Variants in TBC1D13 observed in about 807,000 individuals in gnomAD.
The protein encoded by TBC1D13 is epididymis secretory sperm binding protein.
A neutral mutation model predicts 53.6 loss-of-function variants in TBC1D13; 40 were observed. The observed-to-expected ratio is 0.75, with a 90% CI of 0.58 to 0.97. The LOEUF (loss-of-function observed/expected upper bound fraction) is 0.97, where lower values mean the gene tolerates loss of function less well. Among genes scored for constraint, TBC1D13 ranks in the 50% least tolerant of loss-of-function variants. The pLI is 0.00. For synonymous variants in TBC1D13, 182 were observed against 197.7 expected (o/e 0.92, Z 0.67); for missense variants, 377 against 499.4 (o/e 0.75, Z 2.34).
intron 9 of TBC1D13, 93 bp downstream of exon 9, chr9:128,804,212 G>A (rs1564426715): frequency 2.1e-6 from 3 of 1,439,660 alleles, no homozygotes; most frequent in Non-Finnish European, 2.8e-6. Flanking sequence ...CTTGAGTCTG[G>A]GGGTCAGAAG....
At chr9:128,790,523 G>A (rs1404163844) in intron 2 of TBC1D13, among the ~76,000 whole-genome samples, 3 of 152,202 alleles carry the variant, frequency 2.0e-5, no homozygotes, top group Admixed American at 6.5e-5. Flanking sequence ...GCAGTGAGCC[G>A]AGATTGCGCC....
chr9:128,787,483 C>T (rs1829442135), intron 1 of TBC1D13, 107 bp downstream of exon 1: 4 of 1,147,048 alleles, frequency 3.5e-6, no homozygotes, highest in South Asian at 8.9e-5. Flanking sequence ...GGCAGACCCC[C>T]TCGGCAGAGG....
At chr9:128,788,542 C>CTCT in intron 2 of TBC1D13, 135 bp downstream of exon 2, 1 of 712,066 alleles carries the variant, frequency 1.4e-6, no homozygotes, top group Non-Finnish European at 2.4e-6. Flanking sequence ...TACACACAGA[C>CTCT]TCTTGGGGCC....
intron 6 of TBC1D13, 97 bp downstream of exon 6, chr9:128,792,671 GTGTT>G: frequency 4.5e-6 from 5 of 1,117,062 alleles, no homozygotes; most frequent in Non-Finnish European, 6.6e-6. Flanking sequence ...CTATGGGTGA[GTGTT>G]TGCGGAGCTG....
At chr9:128,788,292 G>A (rs377252097) in intron 1 of TBC1D13, 42 bp from the exon 2 acceptor site, 11 of 1,585,500 alleles carry the variant, frequency 6.9e-6, no homozygotes, top group South Asian at 2.2e-5. Context: ...TCACTGAGCC[G>A]ATATCAGCAT....
intron 1 of TBC1D13, 139 bp downstream of exon 1, chr9:128,787,515 A>C: frequency 3.4e-6 from 3 of 890,674 alleles, no homozygotes; most frequent in Non-Finnish European, 4.5e-6. Context: ...CCACCTTCTA[A>C]CCTCATTGCC....
chr9:128,795,041 G>T (rs1829602724), intron 6 of TBC1D13, among the ~76,000 whole-genome samples: 1 of 150,712 alleles, frequency 6.6e-6, no homozygotes, highest in African/African-American at 2.4e-5. Context: ...CCCTGTGTTT[G>T]TGCATGTTAG....
chr9:128,808,782 C>T lies in TBC1D13; in HGVS notation c.*903C>T, dbSNP rs186456136. ...AGGTCCTCCCAACTGGGAGGGAGTC[C>T]TCCGTGCCTCACTTAGAGGGTTCTG... On this transcript the variant is annotated 3_prime_UTR_variant, in exon 12 of 12. Coordinates refer to ENST00000372648, the MANE Select transcript of TBC1D13 (RefSeq NM_018201.5). 3 of 152,242 alleles carry T rather than the reference C, an allele frequency of 2.0e-5. No homozygotes were observed. The highest frequency in any genetic ancestry group is 7.2e-5 in the African/African-American group (3 of 41,482). The allele number at this position is 152,242 out of a possible 1,614,324, so 9.4% of individuals were successfully genotyped here. A position where few individuals can be genotyped will look rare whatever the true frequency, so the allele number is the denominator to read the frequency against.
In TBC1D13 at chr9:128,797,170, C is replaced by G. The variant is rs771153153; in HGVS notation, c.499C>G (p.Leu167Val). 6.2e-7 allele frequency: 1 copy of G among 1,614,124 alleles called. No homozygotes were observed. The highest frequency in any genetic ancestry group is 1.1e-5 in the South Asian group (1 of 91,082). ...TCGTAAGAGAGTGGAACAGACAACA[C>G]TGAAATCTCAGACGGTGGCCCGGAA... The part of the protein sequence containing the change: ...TLRKRVEQTT[L>V]KSQTVARNRS... The change falls in exon 7 of 12, where the codon CTG becomes GTG. Residue 167 changes from leucine (L) to valine (V), a missense_variant. Physicochemically the swap from Leu to Val is conservative, Grantham distance 32 (BLOSUM62 1). Transcript: ENST00000372648.
intron 3 of TBC1D13, 104 bp downstream of exon 3, chr9:128,790,879 C>G: frequency 8.1e-7 from 1 of 1,235,242 alleles, no homozygotes; most frequent in Non-Finnish European, 1.1e-6. Flanking sequence ...TGCACCTTTC[C>G]TTGCTTGTCT....
intron 11 of TBC1D13, among the ~76,000 whole-genome samples, chr9:128,806,986 C>T (rs988089981): frequency 3.9e-5 from 6 of 151,970 alleles, no homozygotes; most frequent in African/African-American, 1.4e-4. Flanking sequence ...GCTTTAGGTC[C>T]ACAGTTTTGC....
intron 6 of TBC1D13, among the ~76,000 whole-genome samples, chr9:128,792,800 G>C (rs1024532579): frequency 6.6e-6 from 1 of 152,198 alleles, no homozygotes; most frequent in Non-Finnish European, 1.5e-5. Context: ...CTGAGCTGTA[G>C]TTTCATTTGT....
chr9:128,803,243 C>T lies in TBC1D13; in HGVS notation c.544-7C>T. On this transcript the variant is annotated splice_region_variant and splice_polypyrimidine_tract_variant and intron_variant, in intron 7 of 11. Coordinates refer to ENST00000372648, the MANE Select transcript of TBC1D13 (RefSeq NM_018201.5). Reference sequence around the variant, plus strand: ...TTTCTTGATGGGCTCCTCCTCTTCTCCTCCAGATGAGCTCCCCACACAAGA... The same window carrying T: ...TTTCTTGATGGGCTCCTCCTCTTCTTCTCCAGATGAGCTCCCCACACAAGA... 2 of 1,613,506 alleles carry T rather than the reference C, an allele frequency of 1.2e-6. No homozygotes were observed. Among genetic ancestry groups the T allele is most frequent in the East Asian group, 2.2e-5 (1 of 44,876 alleles).
At position 128,807,944 on chromosome 9, in the gene TBC1D13, C is replaced by A; in HGVS notation, c.*65C>A. On this transcript the variant is annotated 3_prime_UTR_variant, in exon 12 of 12. Transcript: ENST00000372648. ...CGACCCTGTGCCCTGGCTCCCGGGA[C>A]ACATAGAAACCTGTAGGAACCCAGC... The A allele has an allele frequency of 6.6e-7, 1 of 1,524,488 alleles. No individual in the cohort carries two copies. Among genetic ancestry groups the A allele is most frequent in the Non-Finnish European group, 9.1e-7 (1 of 1,101,468 alleles). 94.4% of individuals were successfully genotyped at this position (1,524,488 alleles called of 1,614,324 possible).
rs991363748 is a variant in TBC1D13, at chr9:128,807,965, C to T, written c.*86C>T. ...GGGACACATAGAAACCTGTAGGAAC[C>T]CAGCCTGAGGGGAAGCCACAGGATC... On this transcript the variant is annotated 3_prime_UTR_variant, in exon 12 of 12. Coordinates refer to ENST00000372648, the MANE Select transcript of TBC1D13 (RefSeq NM_018201.5). The T allele has an allele frequency of 2.2e-5, 29 of 1,342,808 alleles. No individual in the cohort carries two copies. The highest frequency in any genetic ancestry group is 2.6e-5 in the Non-Finnish European group (25 of 944,160). The allele number at this position is 1,342,808 out of a possible 1,614,324, so 83.2% of individuals were successfully genotyped here.
intron 3 of TBC1D13, 130 bp from the exon 4 acceptor site, chr9:128,791,250 C>A: frequency 1.1e-6 from 1 of 886,652 alleles, no homozygotes; most frequent in Non-Finnish European, 1.8e-6. Context: ...TGCTGGCATT[C>A]CTGGATTTTA....
At position 128,787,330 on chromosome 9, in the gene TBC1D13, C is replaced by T. The variant is rs1429632800; in HGVS notation, c.-24C>T. On this transcript the variant is annotated 5_prime_UTR_variant, in exon 1 of 12. Coordinates refer to ENST00000372648, the MANE Select transcript of TBC1D13 (RefSeq NM_018201.5). ...GCAGAGGCGCAGGCGGCGGAGGCGG[C>T]TGGGGGGTCCGGAAGTCAACACCAT... is the stretch of plus-strand genomic sequence containing the variant. 8.0e-7 allele frequency: 1 copy of T among 1,257,692 alleles called. No homozygotes were observed. Among genetic ancestry groups the T allele is most frequent in the South Asian group, 4.0e-5 (1 of 25,026 alleles). The allele number at this position is 1,257,692 out of a possible 1,614,324, so 77.9% of individuals were successfully genotyped here. A position where few individuals can be genotyped will look rare whatever the true frequency, so the allele number is the denominator to read the frequency against.
chr9:128,793,436 C>T (rs1396658952), intron 6 of TBC1D13, among the ~76,000 whole-genome samples: 1 of 152,194 alleles, frequency 6.6e-6, no homozygotes, highest in African/African-American at 2.4e-5. Context: ...GCCTTGTCCA[C>T]AGGTGGGTGG....
At position 128,803,417 on chromosome 9, in the gene TBC1D13, C is replaced by T; in HGVS notation, c.711C>T (p.Pro237=). 6.2e-7 allele frequency: 1 copy of T among 1,614,140 alleles called. No homozygotes were observed. The highest frequency in any genetic ancestry group is 8.5e-7 in the Non-Finnish European group (1 of 1,180,034). Residue 237 remains proline, a synonymous_variant, in exon 8 of 12, where the codon CCC becomes CCT. Transcript: ENST00000372648. ...AAGGCATGAATGAAATCGTGGGGCC[C>T]CTCTACTACACCTTTGCCACCGACC... ...YVQGMNEIVG[P]LYYTFATDPN... is the part of the protein sequence containing the mutation.
Sources: allele counts gnomAD v4.1 joint callset (sites outside exome capture counted in the v4.1 genomes callset), GRCh38; gene constraint gnomAD v4.1.1; transcripts MANE v1.5; gene names NCBI Gene and HGNC (gene_info 2026-07-23, HGNC 2026-07-21).